The following NLGN1 variants were observed in gnomAD, a reference collection of about 807,000 sequenced individuals.
The protein encoded by NLGN1 is neuroligin-1.
A neutral mutation model predicts 65.5 loss-of-function variants in NLGN1; 12 were observed. That is an observed-to-expected ratio of 0.18 (90% CI 0.12 to 0.30). NLGN1 has a LOEUF of 0.30. Among genes scored for constraint, NLGN1 ranks in the 10% least tolerant of loss-of-function variants. NLGN1 has a pLI of 1.00. For missense variants in NLGN1, 750 were observed against 1,007.1 expected, an observed-to-expected ratio of 0.74 and a Z score of 3.46; for synonymous variants, 350 against 359.5, an observed-to-expected ratio of 0.97 and a Z score of 0.30.
chr3:173,998,284 CAG>C (rs765762593), intron 4 of NLGN1, among the ~76,000 whole-genome samples: 19 of 152,124 alleles, frequency 1.2e-4, no homozygotes, highest in Non-Finnish European at 1.8e-4. Context: ...CTTTGGGAAT[CAG>C]AACATCCTAC....
At chr3:173,997,404 A>G (rs550815893) in intron 4 of NLGN1, among the ~76,000 whole-genome samples, 2 of 152,210 alleles carry the variant, frequency 1.3e-5, no homozygotes, top group East Asian at 1.9e-4. Flanking sequence ...TTCAAAACTC[A>G]TTGCACTTTT....
chr3:173,767,606 GGTTTAAA>G (rs1338843168), intron 3 of NLGN1, among the ~76,000 whole-genome samples: 6 of 152,022 alleles, frequency 3.9e-5, no homozygotes, highest in African/African-American at 9.6e-5. Context: ...TGTATTCTTT[GGTTTAAA>G]TTGTCCAGCC....
At chr3:173,785,203 G>T (rs781387667) in intron 3 of NLGN1, among the ~76,000 whole-genome samples, 4 of 152,116 alleles carry the variant, frequency 2.6e-5, no homozygotes, top group Non-Finnish European at 5.9e-5. Context: ...TGTTTCCCAG[G>T]CCACAGATGG....
chr3:173,599,397 G>T (rs1750068215), intron 2 of NLGN1, among the ~76,000 whole-genome samples: 1 of 152,064 alleles, frequency 6.6e-6, no homozygotes, highest in African/African-American at 2.4e-5. Flanking sequence ...GGGTCATGAA[G>T]AATATCCTTT....
At chr3:173,448,727 C>T (rs974069102) in intron 2 of NLGN1, among the ~76,000 whole-genome samples, 4 of 152,128 alleles carry the variant, frequency 2.6e-5, no homozygotes, top group African/African-American at 9.7e-5. Flanking sequence ...TTAATTATTG[C>T]CTCAATTTCA....
intron 2 of NLGN1, among the ~76,000 whole-genome samples, chr3:173,591,790 A>T (rs958419775): frequency 6.6e-6 from 1 of 152,168 alleles, no homozygotes; most frequent in Non-Finnish European, 1.5e-5. Flanking sequence ...TTAAAGAATG[A>T]GTTGAGACTG....
At chr3:174,067,590 A>G (rs1738913854) in intron 4 of NLGN1, among the ~76,000 whole-genome samples, 1 of 152,120 alleles carries the variant, frequency 6.6e-6, no homozygotes, top group Non-Finnish European at 1.5e-5. Flanking sequence ...CTATGAAAAT[A>G]CTTGTCCTCA....
At chr3:174,085,211 T>A (rs1246496828) in intron 4 of NLGN1, among the ~76,000 whole-genome samples, 1 of 152,036 alleles carries the variant, frequency 6.6e-6, no homozygotes, top group Non-Finnish European at 1.5e-5. Flanking sequence ...TTCTCTTTAC[T>A]GTATGTTTGA....
chr3:173,588,321 A>ATTTTGTTCTGT, intron 2 of NLGN1, among the ~76,000 whole-genome samples: 1 of 152,142 alleles, frequency 6.6e-6, no homozygotes, highest in Admixed American at 6.5e-5. Flanking sequence ...ATAGTAACCC[A>ATTTTGTTCTGT]TTTGCTGGTC....
intron 4 of NLGN1, among the ~76,000 whole-genome samples, chr3:174,202,493 ACT>A (rs1282430077): frequency 1.3e-5 from 2 of 151,982 alleles, no homozygotes; most frequent in Non-Finnish European, 2.9e-5. Context: ...TAGTTTTGAA[ACT>A]CAGAGTATTT....
intron 4 of NLGN1, among the ~76,000 whole-genome samples, chr3:173,909,742 T>C (rs1012970820): frequency 6.6e-6 from 1 of 152,144 alleles, no homozygotes; most frequent in African/African-American, 2.4e-5. Context: ...TGCAATGGCA[T>C]GATCTCGGCT....
chr3:173,541,266 G>T (rs1738814599), intron 2 of NLGN1, among the ~76,000 whole-genome samples: 1 of 152,108 alleles, frequency 6.6e-6, no homozygotes, highest in Non-Finnish European at 1.5e-5. Context: ...GTATATGGGG[G>T]ATGAAATATA....
At chr3:174,278,776 A>G (rs2152892231) in intron 5 of NLGN1, 85 bp from the exon 6 acceptor site, 2 of 1,112,706 alleles carry the variant, frequency 1.8e-6, no homozygotes, top group Admixed American at 3.2e-5. Context: ...GGGTTTTTAT[A>G]TACATGTCTA....
chr3:173,794,164 A>G (rs6789084), intron 3 of NLGN1, among the ~76,000 whole-genome samples: 130,235 of 152,054 alleles, frequency 0.86, 56,673 homozygotes, highest in African/African-American at 0.93. Flanking sequence ...AGGCCACATT[A>G]CACCTAGTCA....
intron 4 of NLGN1, among the ~76,000 whole-genome samples, chr3:173,891,256 A>G (rs1352332093): frequency 6.6e-6 from 1 of 152,204 alleles, no homozygotes; most frequent in Non-Finnish European, 1.5e-5. Context: ...GGCCTAAATA[A>G]TCAAAATAGC....
At chr3:174,060,874 A>G (rs1737250384) in intron 4 of NLGN1, among the ~76,000 whole-genome samples, 1 of 152,038 alleles carries the variant, frequency 6.6e-6, no homozygotes, top group South Asian at 2.1e-4. Flanking sequence ...TAGGACACTT[A>G]AGGAGCCATT....
chr3:173,759,819 T>G (rs1777695776), intron 3 of NLGN1, among the ~76,000 whole-genome samples: 2 of 151,976 alleles, frequency 1.3e-5, no homozygotes, highest in Admixed American at 1.3e-4. Context: ...ATATTTTTAT[T>G]ATCTGCATTA....
intron 4 of NLGN1, among the ~76,000 whole-genome samples, chr3:174,123,757 C>A (rs7640504): frequency 6.6e-6 from 1 of 151,976 alleles, no homozygotes; most frequent in Non-Finnish European, 1.5e-5. Context: ...TGCTTTAAAG[C>A]TCAAGAATCT....
chr3:173,952,382 A>G (rs983244170), intron 4 of NLGN1, among the ~76,000 whole-genome samples: 2 of 152,192 alleles, frequency 1.3e-5, no homozygotes, highest in African/African-American at 4.8e-5. Context: ...ACAAGAGGTG[A>G]GACAAGGAAT....
Sources: allele counts gnomAD v4.1 joint callset (sites outside exome capture counted in the v4.1 genomes callset), GRCh38; gene constraint gnomAD v4.1.1; transcripts MANE v1.5; gene names NCBI Gene and HGNC (gene_info 2026-07-23, HGNC 2026-07-21).